NFIB: variants seen among roughly 807,000 people sequenced by gnomAD.
NFIB encodes nuclear factor 1 B-type.
A neutral mutation model predicts 61.5 loss-of-function variants in NFIB; 11 were observed. The ratio of observed to expected loss-of-function variants is 0.18; its 90% CI spans 0.11 to 0.30. The LOEUF is 0.30. Ranked by LOEUF, NFIB falls within the 10% of genes least tolerant of loss-of-function variation. The pLI is 1.00. For missense variants in NFIB, 471 were observed against 608.9 expected, an observed-to-expected ratio of 0.77 and a Z score of 2.38; for synonymous variants, 260 against 216.5, an observed-to-expected ratio of 1.20 and a Z score of -1.76.
At chr9:14,131,307 A>G (rs1475140798) in intron 6 of NFIB, among the ~76,000 whole-genome samples, 1 of 152,232 alleles carries the variant, frequency 6.6e-6, no homozygotes, top group Non-Finnish European at 1.5e-5. Context: ...ATCCCTTTAA[A>G]TAAGTATTTT....
chr9:14,264,316 G>C (rs1278929241), intron 2 of NFIB, among the ~76,000 whole-genome samples: 1 of 152,114 alleles, frequency 6.6e-6, no homozygotes, highest in Non-Finnish European at 1.5e-5. Flanking sequence ...CACCTGCCCA[G>C]TCAACAACCA....
At chr9:14,364,052 T>C in intron 1 of NFIB, among the ~76,000 whole-genome samples, 1 of 152,198 alleles carries the variant, frequency 6.6e-6, no homozygotes, top group East Asian at 1.9e-4. Context: ...TTGTAGAGTC[T>C]TTCTCTACAG....
At chr9:14,253,587 T>C (rs2055891627) in intron 2 of NFIB, among the ~76,000 whole-genome samples, 1 of 152,094 alleles carries the variant, frequency 6.6e-6, no homozygotes, top group African/African-American at 2.4e-5. Context: ...TCCCAACTAC[T>C]TGGGTGGCTG....
At chr9:14,317,698 C>T (rs1249573334), upstream of NFIB, among the ~76,000 whole-genome samples, 2 of 152,146 alleles carry the variant, frequency 1.3e-5, no homozygotes, top group Non-Finnish European at 2.9e-5. Context: ...TCTTGTCCAG[C>T]CAATGCCAAG....
chr9:14,294,229 G>C (rs2059279635), intron 2 of NFIB, among the ~76,000 whole-genome samples: 1 of 152,100 alleles, frequency 6.6e-6, no homozygotes, highest in Non-Finnish European at 1.5e-5. Context: ...CCCTTATTTG[G>C]AGACTGTAAA....
At chr9:14,427,615 T>G in the NFIB span, among the ~76,000 whole-genome samples, 9 of 152,132 alleles carry the variant, frequency 5.9e-5, no homozygotes, top group Admixed American at 5.9e-4. Flanking sequence ...GAAGCCCACA[T>G]AGACTGGGCC....
chr9:14,210,471 TTGC>T (rs920687036), intron 2 of NFIB, among the ~76,000 whole-genome samples: 1 of 152,020 alleles, frequency 6.6e-6, no homozygotes, highest in Non-Finnish European at 1.5e-5. Flanking sequence ...AAAAACAGAA[TTGC>T]TTTACAAATT....
the NFIB span, among the ~76,000 whole-genome samples, chr9:14,439,332 T>A: frequency 1.3e-5 from 2 of 152,170 alleles, no homozygotes. Context: ...CTCACACCAC[T>A]GCACTCCAGC....
At chr9:14,346,609 C>T (rs772093905) in intron 1 of NFIB, among the ~76,000 whole-genome samples, 1 of 152,168 alleles carries the variant, frequency 6.6e-6, no homozygotes, top group Non-Finnish European at 1.5e-5. Flanking sequence ...ACAACGTTCC[C>T]GTTGGCTTGC....
chr9:14,102,229 T>C (rs552702377), intron 10 of NFIB, among the ~76,000 whole-genome samples: 47 of 152,158 alleles, frequency 3.1e-4, no homozygotes, highest in Non-Finnish European at 5.9e-4. Flanking sequence ...AGTAAGCATA[T>C]ACTATAGTCC....
At chr9:14,124,691 G>A (rs1241818888) in intron 7 of NFIB, among the ~76,000 whole-genome samples, 2 of 152,092 alleles carry the variant, frequency 1.3e-5, no homozygotes, top group African/African-American at 2.4e-5. Context: ...AAAGTACACA[G>A]TGTTAATTAT....
chr9:14,458,350 A>G, the NFIB span, among the ~76,000 whole-genome samples: 1 of 152,238 alleles, frequency 6.6e-6, no homozygotes, highest in South Asian at 2.1e-4. Flanking sequence ...TAAATTAGGT[A>G]TTGATGGGAT....
chr9:14,468,940 C>T, the NFIB span, among the ~76,000 whole-genome samples: 2 of 152,148 alleles, frequency 1.3e-5, no homozygotes, highest in South Asian at 4.1e-4. Context: ...CTCTCATATC[C>T]TCTTTCCTCC....
intron 10 of NFIB, among the ~76,000 whole-genome samples, chr9:14,092,214 G>T (rs1308808247): frequency 6.6e-6 from 1 of 152,054 alleles, no homozygotes; most frequent in East Asian, 1.9e-4. Context: ...GGGTAGACAG[G>T]GAAGATATAG....
At chr9:14,286,715 T>C (rs2058730335) in intron 2 of NFIB, among the ~76,000 whole-genome samples, 1 of 152,242 alleles carries the variant, frequency 6.6e-6, no homozygotes, top group South Asian at 2.1e-4. Context: ...GTCTTCTCTA[T>C]ATTGCAATTT....
the NFIB span, among the ~76,000 whole-genome samples, chr9:14,466,883 C>G: frequency 6.6e-6 from 1 of 152,152 alleles, no homozygotes; most frequent in African/African-American, 2.4e-5. Context: ...GAAAGAAAAC[C>G]AGACAGGCTG....
At chr9:14,419,739 GA>G in the NFIB span, among the ~76,000 whole-genome samples, 1 of 151,972 alleles carries the variant, frequency 6.6e-6, no homozygotes, top group African/African-American at 2.4e-5. Context: ...CCGACCCTTT[GA>G]CAGTCCTCAG....
the NFIB span, among the ~76,000 whole-genome samples, chr9:14,515,071 A>G: frequency 6.6e-6 from 1 of 152,146 alleles, no homozygotes; most frequent in Non-Finnish European, 1.5e-5. Context: ...TGGGACAGAT[A>G]CACTTTATTG....
rs115324414 is a variant in NFIB at position 14,094,731 on chromosome 9, T to C, written c.1468-6405A>G. 2.2e-3 allele frequency among the ~76,000 whole-genome samples: 338 copies of C among 152,204 alleles called. 3 individuals are homozygous for C. The highest frequency in any genetic ancestry group is 7.3e-3 in the African/African-American group (304 of 41,542). ...ATGGAATTATTCTAACTGCAAGCAATAGGACTTCACAGTAATGAAAGAGAA... is the reference window on the plus strand; with the variant it reads ...ATGGAATTATTCTAACTGCAAGCAACAGGACTTCACAGTAATGAAAGAGAA... On this transcript the variant is annotated intron_variant, in intron 10 of 10. Transcript: ENST00000380953.
Sources: gnomAD v4.1 joint callset for allele counts (sites outside exome capture counted in the v4.1 genomes callset) on GRCh38, gnomAD v4.1.1 for gene constraint, MANE v1.5 for transcripts, NCBI Gene and HGNC (gene_info 2026-07-23, HGNC 2026-07-21) for gene names.